The following EHF variants were observed in gnomAD, a reference collection of about 807,000 sequenced individuals.
The protein encoded by EHF is ESE3 transcription factor.
Under a neutral mutation model 45.1 loss-of-function variants are expected in EHF, and 14 were observed. The ratio of observed to expected loss-of-function variants is 0.31; its 90% CI spans 0.21 to 0.49. The LOEUF is 0.49. Ranked by LOEUF, EHF falls within the 20% of genes least tolerant of loss-of-function variation. EHF has a pLI of 0.99. For synonymous variants in EHF, 136 were observed against 131.8 expected (o/e 1.03, Z -0.22); for missense variants, 282 against 371.4 (o/e 0.76, Z 1.98).
chr11:34,637,453 C>T (rs1259896670), intron 1 of EHF, among the ~76,000 whole-genome samples: 2 of 152,152 alleles, frequency 1.3e-5, no homozygotes, highest in African/African-American at 2.4e-5. Context: ...AAGTGAGATG[C>T]GGAGGCTGGC....
chr11:34,651,648 T>C, intron 5 of EHF, 38 bp downstream of exon 5: 1 of 1,609,330 alleles, frequency 6.2e-7, no homozygotes, highest in Non-Finnish European at 8.5e-7. Context: ...CTTTACATTC[T>C]TATTCAGTTT....
intron 1 of EHF, among the ~76,000 whole-genome samples, chr11:34,633,126 G>C (rs958317004): frequency 6.6e-6 from 1 of 152,150 alleles, no homozygotes; most frequent in African/African-American, 2.4e-5. Context: ...CTCTGCAAGC[G>C]CTATATTCTG....
At chr11:34,657,536 C>T (rs900534012) in intron 7 of EHF, among the ~76,000 whole-genome samples, 1 of 152,052 alleles carries the variant, frequency 6.6e-6, no homozygotes, top group Non-Finnish European at 1.5e-5. Flanking sequence ...GGCCTGTAAT[C>T]CCACCACTTT....
chr11:34,651,523 C>G lies in EHF; in HGVS notation c.407-19C>G. 6.2e-7 allele frequency: 1 copy of G among 1,606,448 alleles called. No individual in the cohort carries two copies. The highest frequency in any genetic ancestry group is 8.5e-7 in the Non-Finnish European group (1 of 1,173,518). On this transcript the variant is annotated intron_variant, in intron 4 of 8. Transcript: ENST00000257831. ...GGGAAAAGAGATCGCTGACTATTCT[C>G]CTTCTCTATTTTTTGTAGAGCCTTC...
At chr11:34,644,133 C>A (rs1325776960) in intron 2 of EHF, among the ~76,000 whole-genome samples, 1 of 152,198 alleles carries the variant, frequency 6.6e-6, no homozygotes, top group Non-Finnish European at 1.5e-5. Flanking sequence ...GAACAAGATA[C>A]ACTAGCAGGG....
chr11:34,645,685 G>A (rs1854442244), intron 2 of EHF, among the ~76,000 whole-genome samples: 1 of 152,186 alleles, frequency 6.6e-6, no homozygotes, highest in African/African-American at 2.4e-5. Context: ...TCGAAAGATG[G>A]GTAGGAATTC....
rs1437190963 is a variant in EHF at position 34,646,422 on chromosome 11, T to A, written c.98-17T>A. 1.2e-6 allele frequency: 2 copies of A among 1,613,494 alleles called. No individual in the cohort carries two copies. The highest frequency in any genetic ancestry group is 2.7e-5 in the African/African-American group (2 of 74,924). On this transcript the variant is annotated splice_polypyrimidine_tract_variant and intron_variant, in intron 2 of 8. Coordinates refer to ENST00000257831, the MANE Select transcript of EHF (RefSeq NM_012153.6). ...AACAGCCAGGGGTCACTCATGAGGC[T>A]GCTTCCTGTTTTGCAGTTTCCAGTG...
intron 1 of EHF, among the ~76,000 whole-genome samples, chr11:34,625,736 C>T (rs1320784095): frequency 2.0e-5 from 3 of 152,254 alleles, no homozygotes; most frequent in African/African-American, 7.2e-5. Context: ...TTCACAAGCA[C>T]CTAACCGCAT....
chr11:34,657,909 G>C (rs1855816043), intron 7 of EHF, among the ~76,000 whole-genome samples: 1 of 151,816 alleles, frequency 6.6e-6, no homozygotes, highest in African/African-American at 2.4e-5. Flanking sequence ...GTGGGGTGGG[G>C]GTGGGGCATC....
At chr11:34,644,303 C>T (rs1487817578) in intron 2 of EHF, among the ~76,000 whole-genome samples, 3 of 152,156 alleles carry the variant, frequency 2.0e-5, no homozygotes, top group African/African-American at 7.2e-5. Flanking sequence ...ACTTGGGGAG[C>T]CACAAAATAT....
intron 6 of EHF, among the ~76,000 whole-genome samples, chr11:34,653,325 G>A (rs138320075): frequency 5.9e-5 from 9 of 152,264 alleles, no homozygotes; most frequent in African/African-American, 2.2e-4. Context: ...TTACAGCTCT[G>A]CTGCCCTGAC....
chr11:34,646,742 A>C lies in EHF; in HGVS notation c.343+58A>C, dbSNP rs185351523. Reference sequence around the variant, plus strand: ...TGCTAGGAGCCAGCTGGAAGAATAGAGATTCTGCAGATGACAGGATTCTTT... The same window carrying C: ...TGCTAGGAGCCAGCTGGAAGAATAGCGATTCTGCAGATGACAGGATTCTTT... On this transcript the variant is annotated intron_variant, in intron 3 of 8. Transcript: ENST00000257831. The C allele has an allele frequency of 1.1e-5, 18 of 1,587,396 alleles. No homozygotes were observed. The Admixed American group carries it at 2.4e-4, about 21-fold the overall frequency.
rs988099438 is a variant in EHF, at chr11:34,660,682, A to G, written c.*1751A>G. Reference sequence around the variant, plus strand: ...TGCAGCTTTTCTTTTTGGCTCTCTCATGTCCTTGGCTTGCTCCTCTATTCT... The same window carrying G: ...TGCAGCTTTTCTTTTTGGCTCTCTCGTGTCCTTGGCTTGCTCCTCTATTCT... On this transcript the variant is annotated 3_prime_UTR_variant, in exon 9 of 9. Transcript: ENST00000257831. 2.0e-5 allele frequency: 3 copies of G among 152,054 alleles called. No individual in the cohort carries two copies. The highest frequency in any genetic ancestry group is 6.6e-5 in the Admixed American group (1 of 15,248). 9.4% of individuals were successfully genotyped at this position (152,054 alleles called of 1,614,324 possible). A position where few individuals can be genotyped will look rare whatever the true frequency, so the allele number is the denominator to read the frequency against.
Position 34,642,667 on chromosome 11 carries a change from C to T in EHF, c.37C>T (p.Pro13Ser), listed in dbSNP as rs370092846. Residue 13 changes from proline (P) to serine (S), a missense_variant, in exon 2 of 9, where the codon CCC (proline) becomes TCC (serine). Pro to Ser is a moderately conservative substitution (Grantham distance 74). This residue lies in a region of EHF where 213 missense variants were observed against 247.3 expected (regional missense o/e 0.86). Transcript: ENST00000257831. The part of the protein sequence containing the change: ...LEGGGVMNLN[P>S]GNNLLHQPPA... The stretch of plus-strand genomic sequence containing the variant: ...AGGAGGTGGTGTAATGAATCTCAAC[C>T]CCGGCAACAACCTCCTTCACCAGCC... The T allele has an allele frequency of 5.0e-6, 8 of 1,613,890 alleles. No homozygotes were observed. The highest frequency in any genetic ancestry group is 6.8e-6 in the Non-Finnish European group (8 of 1,179,978).
intron 1 of EHF, among the ~76,000 whole-genome samples, chr11:34,637,106 TCTC>T (rs1223403205): frequency 1.3e-5 from 2 of 150,756 alleles, no homozygotes; most frequent in Admixed American, 1.3e-4. Flanking sequence ...GAATGTGTCC[TCTC>T]AACTCAGCTT....
chr11:34,629,579 T>C (rs1476339095), intron 1 of EHF, among the ~76,000 whole-genome samples: 1 of 152,240 alleles, frequency 6.6e-6, no homozygotes, highest in African/African-American at 2.4e-5. Flanking sequence ...ATAATTCTCA[T>C]GAAGTTCTGT....
Position 34,642,639 on chromosome 11 carries a change from G to A in EHF, c.9G>A (p.Leu3=), listed in dbSNP as rs779692557. ...TGATCCCCTAACAGATCATGATTCTGGAAGGAGGTGGTGTAATGAATCTCA... is the reference window on the plus strand; with the variant it reads ...TGATCCCCTAACAGATCATGATTCTAGAAGGAGGTGGTGTAATGAATCTCA... MI[L]EGGGVMNLNP... is the part of the protein sequence containing the mutation. The change falls in exon 2 of 9, where the codon CTG becomes CTA. Residue 3 remains leucine, a synonymous_variant. Coordinates refer to ENST00000257831, the MANE Select transcript of EHF (RefSeq NM_012153.6). 67 of 1,613,024 alleles carry A rather than the reference G, an allele frequency of 4.2e-5. No individual in the cohort carries two copies. Among genetic ancestry groups the A allele is most frequent in the Non-Finnish European group, 5.4e-5 (64 of 1,179,224 alleles).
At chr11:34,652,491 A>C (rs1325152571) in intron 6 of EHF, among the ~76,000 whole-genome samples, 1 of 152,168 alleles carries the variant, frequency 6.6e-6, no homozygotes, top group Non-Finnish European at 1.5e-5. Context: ...GGGATTTCAG[A>C]TTACCACCCC....
At chr11:34,656,595 G>C (rs182028581) in intron 6 of EHF, among the ~76,000 whole-genome samples, 23 of 152,264 alleles carry the variant, frequency 1.5e-4, no homozygotes, top group Admixed American at 7.8e-4. Context: ...ATGGAAGGCT[G>C]TTGCACAAGC....
Sources: allele counts gnomAD v4.1 joint callset (sites outside exome capture counted in the v4.1 genomes callset), GRCh38; gene constraint gnomAD v4.1.1; regional missense constraint gnomAD v4.1.1; transcripts MANE v1.5; gene names NCBI Gene and HGNC (gene_info 2026-07-23, HGNC 2026-07-21).